The following TMEM131L variants were observed in gnomAD, a reference collection of about 807,000 sequenced individuals.
TMEM131L encodes transmembrane 131 like, also known as transmembrane protein 131-like.
TMEM131L carries 54 observed loss-of-function variants against 192.2 expected under a neutral mutation model. The ratio of observed to expected loss-of-function variants is 0.28; its 90% CI spans 0.23 to 0.35. The LOEUF (loss-of-function observed/expected upper bound fraction) is 0.35. Ranked by LOEUF, TMEM131L falls within the 10% of genes least tolerant of loss-of-function variation. The pLI, the probability that TMEM131L is intolerant of heterozygous loss-of-function variation, is 1.00. For synonymous variants in TMEM131L, 701 were observed against 704.9 expected (o/e 0.99, Z 0.09); for missense variants, 1,888 against 1,972.9 (o/e 0.96, Z 0.82).
intron 25 of TMEM131L, among the ~76,000 whole-genome samples, chr4:153,606,467 A>G (rs557317736): frequency 1.3e-5 from 2 of 152,220 alleles, no homozygotes; most frequent in African/African-American, 2.4e-5. Flanking sequence ...AAAGGCATGG[A>G]TGAGAAATGT....
chr4:153,491,946 T>C (rs1212642125), intron 3 of TMEM131L, among the ~76,000 whole-genome samples: 1 of 152,096 alleles, frequency 6.6e-6, no homozygotes, highest in Non-Finnish European at 1.5e-5. Context: ...GCTCAAGTGA[T>C]CCACCCACTC....
intron 26 of TMEM131L, 100 bp from the exon 27 acceptor site, chr4:153,620,656 G>A: frequency 1.4e-6 from 1 of 698,220 alleles, no homozygotes. Context: ...CAACAGCACT[G>A]GGACATTCTG....
intron 3 of TMEM131L, among the ~76,000 whole-genome samples, chr4:153,478,884 G>A (rs1731731501): frequency 6.7e-6 from 1 of 148,712 alleles, no homozygotes; most frequent in African/African-American, 2.6e-5. Context: ...ATGAAGGTCA[G>A]GTGGACTTAA....
At chr4:153,485,327 A>T (rs1460032521) in intron 3 of TMEM131L, among the ~76,000 whole-genome samples, 1 of 152,044 alleles carries the variant, frequency 6.6e-6, no homozygotes. Flanking sequence ...TATTGTTCTT[A>T]CCCAGTTTGT....
intron 4 of TMEM131L, among the ~76,000 whole-genome samples, chr4:153,550,875 G>A (rs957335757): frequency 6.6e-6 from 1 of 152,178 alleles, no homozygotes; most frequent in Non-Finnish European, 1.5e-5. Flanking sequence ...GATGGGGAAG[G>A]CAGTGCATAA....
chr4:153,513,633 C>T (rs1734509674), intron 3 of TMEM131L, among the ~76,000 whole-genome samples: 1 of 152,156 alleles, frequency 6.6e-6, no homozygotes, highest in African/African-American at 2.4e-5. Flanking sequence ...CTGCTTAAAA[C>T]TGGCTTTTGT....
chr4:153,528,716 G>A (rs987508292), intron 3 of TMEM131L, among the ~76,000 whole-genome samples: 6 of 152,110 alleles, frequency 3.9e-5, no homozygotes, highest in African/African-American at 9.7e-5. Context: ...CAGGTACAGC[G>A]TATGCCTCTG....
chr4:153,512,690 T>C (rs1734437592), intron 3 of TMEM131L, among the ~76,000 whole-genome samples: 1 of 152,156 alleles, frequency 6.6e-6, no homozygotes, highest in Non-Finnish European at 1.5e-5. Context: ...CTCAGCTCAC[T>C]GAAACCTCCG....
At chr4:153,483,951 C>T (rs1177553219) in intron 3 of TMEM131L, among the ~76,000 whole-genome samples, 1 of 152,076 alleles carries the variant, frequency 6.6e-6, no homozygotes, top group Non-Finnish European at 1.5e-5. Context: ...CCAACATCGG[C>T]AGCAGTATTA....
chr4:153,561,466 C>G (rs773285626), intron 7 of TMEM131L, among the ~76,000 whole-genome samples: 1 of 152,140 alleles, frequency 6.6e-6, no homozygotes, highest in Non-Finnish European at 1.5e-5. Flanking sequence ...TGAAGCTTTA[C>G]TCCTATGTTT....
At chr4:153,539,904 A>C (rs1736641406) in intron 3 of TMEM131L, among the ~76,000 whole-genome samples, 1 of 151,926 alleles carries the variant, frequency 6.6e-6, no homozygotes, top group Admixed American at 6.6e-5. Context: ...TGAGGTTGAG[A>C]GTTCCAGACC....
chr4:153,517,698 T>A (rs1164040197), intron 3 of TMEM131L, among the ~76,000 whole-genome samples: 1 of 152,220 alleles, frequency 6.6e-6, no homozygotes, highest in Non-Finnish European at 1.5e-5. Context: ...ATGGTAGCAG[T>A]GAAAGAAAGA....
At chr4:153,526,873 C>G (rs1344615339) in intron 3 of TMEM131L, among the ~76,000 whole-genome samples, 1 of 152,060 alleles carries the variant, frequency 6.6e-6, no homozygotes, top group East Asian at 1.9e-4. Flanking sequence ...GTAAATTGTT[C>G]TGGTAATTAA....
chr4:153,591,670 A>G (rs1731077051), intron 17 of TMEM131L, among the ~76,000 whole-genome samples: 1 of 152,164 alleles, frequency 6.6e-6, no homozygotes, highest in Admixed American at 6.5e-5. Context: ...GCAGACTTCC[A>G]TTTATGTCTC....
intron 4 of TMEM131L, among the ~76,000 whole-genome samples, chr4:153,553,045 C>T (rs923251947): frequency 1.3e-5 from 2 of 151,506 alleles, no homozygotes; most frequent in Non-Finnish European, 2.9e-5. Context: ...TAGCAATATA[C>T]ATTAATCTCT....
chr4:153,536,629 C>T (rs1245524769), intron 3 of TMEM131L, among the ~76,000 whole-genome samples: 1 of 152,136 alleles, frequency 6.6e-6, no homozygotes, highest in Non-Finnish European at 1.5e-5. Context: ...TTTAGGGGGT[C>T]TGTGTCAGTC....
At chr4:153,532,065 C>G (rs1735938815) in intron 3 of TMEM131L, among the ~76,000 whole-genome samples, 1 of 152,154 alleles carries the variant, frequency 6.6e-6, no homozygotes, top group Non-Finnish European at 1.5e-5. Flanking sequence ...GTCCTTGTAG[C>G]AGCAGGGGTT....
chr4:153,496,398 C>T (rs759278771), intron 3 of TMEM131L, among the ~76,000 whole-genome samples: 1 of 152,164 alleles, frequency 6.6e-6, no homozygotes, highest in Non-Finnish European at 1.5e-5. Context: ...AGGACCACCC[C>T]CCTCATGTCA....
chr4:153,616,361 A>C (rs1732976471), intron 26 of TMEM131L, among the ~76,000 whole-genome samples: 1 of 148,604 alleles, frequency 6.7e-6, no homozygotes. Context: ...TTCATTGTTC[A>C]TTTGGCGAAA....
Sources: gnomAD v4.1 joint callset for allele counts (sites outside exome capture counted in the v4.1 genomes callset) on GRCh38, gnomAD v4.1.1 for gene constraint, MANE v1.5 for transcripts, NCBI Gene and HGNC (gene_info 2026-07-23, HGNC 2026-07-21) for gene names.